The following MALRD1 variants were observed in gnomAD, a reference collection of about 807,000 sequenced individuals.
The protein encoded by MALRD1 is MAM and LDL-receptor class A domain-containing protein 1.
Under a neutral mutation model 242.1 loss-of-function variants are expected in MALRD1, and 247 were observed. The ratio of observed to expected loss-of-function variants is 1.02; its 90% CI spans 0.92 to 1.13. The LOEUF (loss-of-function observed/expected upper bound fraction) is 1.13, where lower values mean the gene tolerates loss of function less well. Ranked by LOEUF, MALRD1 falls within the 50% of genes most tolerant of loss-of-function variation. The pLI is 0.00. For missense variants in MALRD1, 2,989 were observed against 2,533.1 expected (o/e 1.18, Z -3.86); for synonymous variants, 995 against 866.6 (o/e 1.15, Z -2.60).
At chr10:19,305,932 A>G (rs1237730205) in intron 21 of MALRD1, among the ~76,000 whole-genome samples, 1 of 129,862 alleles carries the variant, frequency 7.7e-6, no homozygotes, top group East Asian at 2.1e-4. Context: ...TATATGTACT[A>G]TGTAAACTAT....
At chr10:19,262,987 G>A (rs754962680) in intron 19 of MALRD1, among the ~76,000 whole-genome samples, 1 of 152,070 alleles carries the variant, frequency 6.6e-6, no homozygotes, top group Non-Finnish European at 1.5e-5. Context: ...GCTGCATAAT[G>A]TTCCAATGTA....
chr10:19,071,547 T>C (rs1447420690), intron 2 of MALRD1, among the ~76,000 whole-genome samples: 3 of 152,084 alleles, frequency 2.0e-5, no homozygotes, highest in Non-Finnish European at 4.4e-5. Context: ...TCTCTTTATC[T>C]CAAAGTCCTC....
chr10:19,671,800 T>A (rs1342274199), intron 36 of MALRD1, among the ~76,000 whole-genome samples: 1 of 152,178 alleles, frequency 6.6e-6, no homozygotes, highest in Non-Finnish European at 1.5e-5. Context: ...AAAATTCCTG[T>A]TGCTCTGTAG....
chr10:19,298,389 G>A (rs1207676138), intron 21 of MALRD1, among the ~76,000 whole-genome samples: 2 of 151,980 alleles, frequency 1.3e-5, no homozygotes, highest in South Asian at 4.2e-4. Context: ...ATTTCAACAT[G>A]ATATTTGGTT....
At chr10:19,524,129 T>G (rs1833993481) in intron 31 of MALRD1, among the ~76,000 whole-genome samples, 1 of 152,160 alleles carries the variant, frequency 6.6e-6, no homozygotes, top group Non-Finnish European at 1.5e-5. Context: ...TTCTGACAAC[T>G]TTGAGGAAAC....
In MALRD1 at chr10:19,705,804, T is replaced by TAAAAAAAAAAAAAAAAAAAAAA. The variant is rs61437328; in HGVS notation, c.6314+13264_6314+13265insAAAAAAAAAAAAAAAAAAAAAA. On this transcript the variant is annotated intron_variant, in intron 38 of 39. Coordinates refer to ENST00000454679, the MANE Select transcript of MALRD1 (RefSeq NM_001142308.3). ...ACCTTGTTCTCATGTCCTGCAATAGTAAAAAAAAAAAAAAGCCCACAAGAG... is the reference window on the plus strand; with the variant it reads ...ACCTTGTTCTCATGTCCTGCAATAGTAAAAAAAAAAAAAAAAAAAAAAAAAAAAAAAAAAAAGCCCACAAGAG... Among the ~76,000 whole-genome samples the TAAAAAAAAAAAAAAAAAAAAAA allele has an allele frequency of 2.0e-4, 21 of 102,866 alleles. 1 individual carries two copies. The highest frequency in any genetic ancestry group is 6.2e-4 in the African/African-American group (13 of 21,020). The allele number at this position is 102,866 out of a possible 152,430, so 67.5% of individuals were successfully genotyped here.
At chr10:19,069,287 A>G (rs1835069505) in intron 2 of MALRD1, among the ~76,000 whole-genome samples, 1 of 152,056 alleles carries the variant, frequency 6.6e-6, no homozygotes, top group East Asian at 1.9e-4. Flanking sequence ...TAGATCTAAA[A>G]TTCATATATT....
intron 28 of MALRD1, among the ~76,000 whole-genome samples, chr10:19,423,773 C>T (rs1352455432): frequency 6.6e-6 from 1 of 152,150 alleles, no homozygotes; most frequent in East Asian, 1.9e-4. Context: ...AGATTCATGT[C>T]ACCCTGAAGC....
chr10:19,324,300 A>G (rs531265630), intron 22 of MALRD1, among the ~76,000 whole-genome samples, 195 bp downstream of exon 22: 9 of 152,310 alleles, frequency 5.9e-5, no homozygotes, highest in Non-Finnish European at 8.8e-5. Flanking sequence ...TTTTTATTCT[A>G]TTTAATTATG....
At chr10:19,390,907 G>A (rs1846310765) in intron 28 of MALRD1, among the ~76,000 whole-genome samples, 1 of 152,090 alleles carries the variant, frequency 6.6e-6, no homozygotes, top group South Asian at 2.1e-4. Context: ...TTTAAAGATG[G>A]AAACTTACAA....
intron 18 of MALRD1, among the ~76,000 whole-genome samples, chr10:19,216,115 C>CT (rs1203339393): frequency 5.2e-5 from 6 of 114,314 alleles, no homozygotes; most frequent in Admixed American, 3.1e-4. Flanking sequence ...TTCTTTCTTT[C>CT]TTTCTTTTTT....
chr10:19,440,319 G>A (rs147527371), intron 28 of MALRD1, among the ~76,000 whole-genome samples: 91 of 151,538 alleles, frequency 6.0e-4, no homozygotes, highest in African/African-American at 2.2e-3. Flanking sequence ...TCTTATGAGG[G>A]TTTTTATCTA....
intron 18 of MALRD1, among the ~76,000 whole-genome samples, chr10:19,235,228 T>C (rs1838259459): frequency 6.6e-6 from 1 of 152,120 alleles, no homozygotes; most frequent in Admixed American, 6.6e-5. Context: ...AGTAGGGCTA[T>C]AGCTAAAAAT....
At chr10:19,621,983 G>A (rs74119704) in intron 36 of MALRD1, among the ~76,000 whole-genome samples, 3,267 of 151,800 alleles carry the variant, frequency 0.022, 60 homozygotes, top group African/African-American at 0.05. Flanking sequence ...TTAAAAAGAG[G>A]CACTATGGAA....
At chr10:19,341,137 AT>A (rs572052149) in intron 24 of MALRD1, among the ~76,000 whole-genome samples, 11 of 152,046 alleles carry the variant, frequency 7.2e-5, no homozygotes, top group African/African-American at 2.4e-4. Flanking sequence ...ATCTTTCTAT[AT>A]TTTTTACAAC....
intron 34 of MALRD1, among the ~76,000 whole-genome samples, chr10:19,605,126 A>G (rs576344827): frequency 6.6e-6 from 1 of 151,446 alleles, no homozygotes; most frequent in South Asian, 2.1e-4. Flanking sequence ...GACAATTTCT[A>G]CCATTTGATT....
chr10:19,529,962 G>T (rs1834280972), intron 31 of MALRD1, among the ~76,000 whole-genome samples: 1 of 151,990 alleles, frequency 6.6e-6, no homozygotes, highest in Non-Finnish European at 1.5e-5. Context: ...ACAATATTTT[G>T]TAGACATCAG....
At chr10:19,341,079 G>A (rs978176875) in intron 24 of MALRD1, among the ~76,000 whole-genome samples, 7 of 151,640 alleles carry the variant, frequency 4.6e-5, no homozygotes, top group South Asian at 2.1e-4. Flanking sequence ...TTTAATATTC[G>A]ATATTAATTT....
chr10:19,538,961 C>T (rs1834807383), intron 32 of MALRD1, among the ~76,000 whole-genome samples: 1 of 152,022 alleles, frequency 6.6e-6, no homozygotes, highest in Non-Finnish European at 1.5e-5. Context: ...CAGTAAAACC[C>T]ATAGGATAAG....
Sources: allele counts gnomAD v4.1 joint callset (sites outside exome capture counted in the v4.1 genomes callset), GRCh38; gene constraint gnomAD v4.1.1; transcripts MANE v1.5; gene names NCBI Gene and HGNC (gene_info 2026-07-23, HGNC 2026-07-21).